LTV1: variants seen among roughly 807,000 people sequenced by gnomAD.
LTV1 encodes LTV1 ribosome biogenesis factor.
In LTV1, 39 loss-of-function variants were observed where a neutral mutation model predicts 59.9. That is an observed-to-expected ratio of 0.65 (90% CI 0.50 to 0.85). The LOEUF is 0.85. Among genes scored for constraint, LTV1 ranks in the 40% least tolerant of loss-of-function variants. The pLI, the probability that LTV1 is intolerant of heterozygous loss-of-function variation, is 0.00. For missense variants in LTV1, 493 were observed against 549.1 expected (o/e 0.90, Z 1.02); for synonymous variants, 171 against 189.5 (o/e 0.90, Z 0.80).
At chr6:143,848,471 A>G (rs565825910) in intron 3 of LTV1, among the ~76,000 whole-genome samples, 7 of 152,180 alleles carry the variant, frequency 4.6e-5, no homozygotes, top group Non-Finnish European at 8.8e-5. Flanking sequence ...ACACTGCCAT[A>G]TGTAGCCTTT....
chr6:143,846,030 C>T, intron 2 of LTV1, 21 bp from the exon 3 acceptor site: 1 of 1,609,588 alleles, frequency 6.2e-7, no homozygotes, highest in Non-Finnish European at 8.5e-7. Flanking sequence ...GAAGAAAGTA[C>T]TAATTCCATT....
At chr6:143,846,316 A>G in intron 3 of LTV1, 92 bp downstream of exon 3, 2 of 1,211,222 alleles carry the variant, frequency 1.7e-6, no homozygotes, top group Admixed American at 4.7e-5. Context: ...TGGTGTCCGT[A>G]TGAAGAGCAC....
At chr6:143,851,629 G>C (rs1245963533) in intron 4 of LTV1, among the ~76,000 whole-genome samples, 1 of 151,774 alleles carries the variant, frequency 6.6e-6, no homozygotes, top group Non-Finnish European at 1.5e-5. Context: ...AGAATGTGCA[G>C]GTTTGTTATG....
chr6:143,844,117 A>G (rs1582931854), intron 1 of LTV1, among the ~76,000 whole-genome samples: 1 of 152,232 alleles, frequency 6.6e-6, no homozygotes, highest in Non-Finnish European at 1.5e-5. Flanking sequence ...TCAGTCGGCC[A>G]GGGGCCTTCC....
chr6:143,853,029 T>G (rs1369482416), intron 4 of LTV1, among the ~76,000 whole-genome samples: 1 of 152,220 alleles, frequency 6.6e-6, no homozygotes, highest in Admixed American at 6.5e-5. Context: ...TTCTTTCTGC[T>G]TAGGATTATC....
rs1264939136 is a variant in LTV1, at chr6:143,843,390, C to T, written c.-88C>T. On this transcript the variant is annotated 5_prime_UTR_variant, in exon 1 of 11. Coordinates refer to ENST00000367576, the MANE Select transcript of LTV1 (RefSeq NM_032860.5). ...GCACGTGTGGTGAGGCCTACAGAAG[C>T]GGCCTTCAGCTGGACCTTGGTCTCC... 2.6e-6 allele frequency: 4 copies of T among 1,525,522 alleles called. No individual in the cohort carries two copies. The highest frequency in any genetic ancestry group is 2.7e-6 in the Non-Finnish European group (3 of 1,105,094). The allele number at this position is 1,525,522 out of a possible 1,614,324, so 94.5% of individuals were successfully genotyped here.
intron 4 of LTV1, among the ~76,000 whole-genome samples, chr6:143,856,994 G>A (rs556003306): frequency 4.6e-5 from 7 of 152,330 alleles, no homozygotes; most frequent in Non-Finnish European, 7.4e-5. Flanking sequence ...CTTCAGAGCC[G>A]GCAGGCAGGA....
rs2128492369 is a variant in LTV1 at position 143,862,747 on chromosome 6, A to C, written c.1064-97A>C. 1 of 794,202 alleles carries C rather than the reference A, an allele frequency of 1.3e-6. No individual in the cohort carries two copies. Among genetic ancestry groups the C allele is most frequent in the East Asian group, 2.5e-5 (1 of 39,902 alleles). 49.2% of individuals were successfully genotyped at this position (794,202 alleles called of 1,614,324 possible). ...AGAGACTCCAGTGTTATTTTGCACTATGAAAACACAAGGTCAGAAATATAG... is the reference window on the plus strand; with the variant it reads ...AGAGACTCCAGTGTTATTTTGCACTCTGAAAACACAAGGTCAGAAATATAG... On this transcript the variant is annotated intron_variant, in intron 8 of 10. Transcript: ENST00000367576. The surrounding 1 kb of genome is among the most constrained non-coding windows in gnomAD (Gnocchi z 4.2).
At chr6:143,861,099 G>A (rs763503180) in intron 7 of LTV1, among the ~76,000 whole-genome samples, 1 of 152,038 alleles carries the variant, frequency 6.6e-6, no homozygotes, top group African/African-American at 2.4e-5. Context: ...GTTCCACCAT[G>A]TTGGCCAGGC....
chr6:143,847,978 A>G (rs1776920417), intron 3 of LTV1, among the ~76,000 whole-genome samples: 2 of 152,232 alleles, frequency 1.3e-5, no homozygotes. Flanking sequence ...GCAGGCCCTG[A>G]TTTTGACATG....
Position 143,843,341 on chromosome 6 carries a change from A to G in LTV1, c.-137A>G, listed in dbSNP as rs1034807798. The G allele has an allele frequency of 8.4e-6, 9 of 1,065,682 alleles. No individual in the cohort carries two copies. Among genetic ancestry groups the G allele is most frequent in the Non-Finnish European group, 1.1e-5 (8 of 697,470 alleles). 66.0% of individuals were successfully genotyped at this position (1,065,682 alleles called of 1,614,324 possible). Reference sequence around the variant, plus strand: ...GTCCGTTTCCACGGCCGGCTGGGTGACGTTATCGCCGGGTCCTGGGGCTGC... The same window carrying G: ...GTCCGTTTCCACGGCCGGCTGGGTGGCGTTATCGCCGGGTCCTGGGGCTGC... On this transcript the variant is annotated 5_prime_UTR_variant, in exon 1 of 11. Coordinates refer to ENST00000367576, the MANE Select transcript of LTV1 (RefSeq NM_032860.5).
chr6:143,860,809 G>A (rs1777150841), intron 7 of LTV1, among the ~76,000 whole-genome samples: 1 of 152,090 alleles, frequency 6.6e-6, no homozygotes, highest in South Asian at 2.1e-4. Context: ...ATGTTCTGAA[G>A]TAGAACGTAA....
In LTV1 at chr6:143,860,350, T is replaced by TA; in HGVS notation, c.796-69dup. On this transcript the variant is annotated intron_variant, in intron 6 of 10. Transcript: ENST00000367576. ...CTATTGTGTAAGAATAAAGTTAATG[T>TA]AAAAAAATTTTTAAGTGTGTAGTCT... is the stretch of plus-strand genomic sequence containing the variant. 8 of 1,347,876 alleles carry TA rather than the reference T, an allele frequency of 5.9e-6. No individual in the cohort carries two copies. The Admixed American group carries it at 6.5e-5, about 11-fold the overall frequency. The allele number at this position is 1,347,876 out of a possible 1,614,324, so 83.5% of individuals were successfully genotyped here. A position where few individuals can be genotyped will look rare whatever the true frequency, so the allele number is the denominator to read the frequency against.
At chr6:143,859,186 A>T (rs1777124287) in intron 6 of LTV1, among the ~76,000 whole-genome samples, 2 of 152,224 alleles carry the variant, frequency 1.3e-5, no homozygotes, top group Admixed American at 1.3e-4. Flanking sequence ...ATGGAAGTAG[A>T]GTATAAGACA....
At chr6:143,843,810 A>AG (rs1292530809) in intron 1 of LTV1, among the ~76,000 whole-genome samples, 1 of 152,124 alleles carries the variant, frequency 6.6e-6, no homozygotes, top group Non-Finnish European at 1.5e-5. Context: ...CTTGGGGTCG[A>AG]GCAGAGGGAG....
At chr6:143,849,993 T>C (rs1582936211) in intron 3 of LTV1, 138 bp from the exon 4 acceptor site, 1 of 608,508 alleles carries the variant, frequency 1.6e-6, no homozygotes, top group Non-Finnish European at 2.9e-6. Context: ...CATCTTATTA[T>C]AGTTGAGAGG....
intron 3 of LTV1, among the ~76,000 whole-genome samples, chr6:143,849,265 C>A (rs1776943951): frequency 1.3e-5 from 2 of 152,080 alleles, no homozygotes; most frequent in Admixed American, 1.3e-4. Flanking sequence ...TAGGACAGAG[C>A]AAAATGATTT....
At chr6:143,846,798 C>G (rs1376631811) in intron 3 of LTV1, among the ~76,000 whole-genome samples, 1 of 152,032 alleles carries the variant, frequency 6.6e-6, no homozygotes, top group East Asian at 1.9e-4. Context: ...TTAAGAATGC[C>G]CATGTTGTAT....
rs1776834720 is a variant in LTV1 at position 143,843,486 on chromosome 6, C to G, written c.3+6C>G. The G allele has an allele frequency of 1.2e-6, 2 of 1,613,398 alleles. No homozygotes were observed. The highest frequency in any genetic ancestry group is 1.7e-6 in the Non-Finnish European group (2 of 1,179,972). On this transcript the variant is annotated splice_donor_region_variant and intron_variant, in intron 1 of 10. Coordinates refer to ENST00000367576, the MANE Select transcript of LTV1 (RefSeq NM_032860.5). ...CGCCGCGCGGCTGCAGCATGGTGAG[C>G]AAGCCTTGCTTGTTTCGGCGGCCGA... is the stretch of plus-strand genomic sequence containing the variant.
Sources: allele counts gnomAD v4.1 joint callset (sites outside exome capture counted in the v4.1 genomes callset), GRCh38; gene constraint gnomAD v4.1.1; non-coding constraint Gnocchi (gnomAD v3.1); transcripts MANE v1.5; gene names NCBI Gene and HGNC (gene_info 2026-07-23, HGNC 2026-07-21).